Variants in OXR1 observed in about 807,000 individuals in gnomAD.
The protein encoded by OXR1 is oxidation resistance 1.
In OXR1, 41 loss-of-function variants were observed where a neutral mutation model predicts 104.6. The ratio of observed to expected loss-of-function variants is 0.39; its 90% CI spans 0.31 to 0.51. The LOEUF (loss-of-function observed/expected upper bound fraction) is 0.51. Ranked by LOEUF, OXR1 falls within the 20% of genes least tolerant of loss-of-function variation. The pLI, the probability that OXR1 is intolerant of heterozygous loss-of-function variation, is 0.77. For missense variants in OXR1, 955 were observed against 1,031.9 expected (o/e 0.93, Z 1.02); for synonymous variants, 348 against 348.4 (o/e 1.00, Z 0.01).
At chr8:106,570,045 G>A (rs1017082088) in intron 3 of OXR1, among the ~76,000 whole-genome samples, 6 of 152,150 alleles carry the variant, frequency 3.9e-5, no homozygotes, top group African/African-American at 1.4e-4. Flanking sequence ...TCATGGTGAA[G>A]CTTTGATGCT....
At chr8:106,414,731 G>A (rs1586620316) in intron 2 of OXR1, among the ~76,000 whole-genome samples, 1 of 152,020 alleles carries the variant, frequency 6.6e-6, no homozygotes, top group Admixed American at 6.6e-5. Context: ...GAAGTAGTTT[G>A]GTTTGGCCAG....
Position 106,623,137 on chromosome 8 carries a change from G to T in OXR1, c.221-56073G>T, listed in dbSNP as rs149221197. ...AATTAGAAGAAGAGAGCTACCTATA[G>T]ATTCCTCTATTCCCTGAGATTTTCT... On this transcript the variant is annotated intron_variant, in intron 3 of 16. Coordinates refer to ENST00000517566, the MANE Select transcript of OXR1 (RefSeq NM_001198533.2). Among the ~76,000 whole-genome samples the T allele has an allele frequency of 5.4e-4, 82 of 152,284 alleles. No individual in the cohort carries two copies. In the East Asian group the frequency reaches 0.012, roughly 21 times the overall value.
chr8:106,592,089 G>A (rs1345322615), intron 3 of OXR1, among the ~76,000 whole-genome samples: 1 of 152,130 alleles, frequency 6.6e-6, no homozygotes, highest in Non-Finnish European at 1.5e-5. Context: ...TGGATGACAT[G>A]GATAGTAGAA....
intron 1 of OXR1, among the ~76,000 whole-genome samples, chr8:106,288,316 T>C (rs1208310626): frequency 6.6e-6 from 1 of 152,102 alleles, no homozygotes; most frequent in African/African-American, 2.4e-5. Context: ...GAGCATTCTG[T>C]TATTTACAGT....
intron 7 of OXR1, 41 bp from the exon 8 acceptor site, chr8:106,702,865 C>T: frequency 6.8e-7 from 1 of 1,474,562 alleles, no homozygotes; most frequent in Non-Finnish European, 9.3e-7. Context: ...TTTGAAGTAT[C>T]AACCTTGAGG....
intron 2 of OXR1, among the ~76,000 whole-genome samples, chr8:106,515,404 G>A (rs73309299): frequency 0.028 from 4,208 of 152,082 alleles, 196 homozygotes; most frequent in African/African-American, 0.096. Context: ...CAGATCTCTT[G>A]AACTTATTTC....
At position 106,415,162 on chromosome 8, in the gene OXR1, C is replaced by G. The variant is rs191085794; in HGVS notation, c.23+55526C>G. ...CCACAGTGGCATGCTGTTAAAATGC[C>G]TTAACAGTGCCATAATTTACTTTTC... On this transcript the variant is annotated intron_variant, in intron 2 of 16. Coordinates refer to ENST00000517566, the MANE Select transcript of OXR1 (RefSeq NM_001198533.2). 5.9e-5 allele frequency among the ~76,000 whole-genome samples: 9 copies of G among 152,230 alleles called. No individual in the cohort carries two copies. In the East Asian group the frequency reaches 1.7e-3, roughly 29 times the overall value.
At chr8:106,605,336 C>T (rs1254415707) in intron 3 of OXR1, 1 of 152,106 alleles carries the variant, frequency 6.6e-6, no homozygotes, top group Non-Finnish European at 1.5e-5. Context: ...TGGTTTCTGT[C>T]TTAGGTCTAT....
Position 106,310,278 on chromosome 8 carries a change from T to G in OXR1, c.-139+39911T>G, listed in dbSNP as rs550255378. Among the ~76,000 whole-genome samples the G allele has an allele frequency of 1.2e-4, 18 of 151,116 alleles. No homozygotes were observed. The East Asian group carries it at 3.5e-3, about 30-fold the overall frequency. On this transcript the variant is annotated intron_variant, in intron 1 of 16. Coordinates refer to ENST00000517566, the MANE Select transcript of OXR1 (RefSeq NM_001198533.2). ...TTTCCTAAGCTCTCTATCAGAAATA[T>G]AAACAACTTCTCAATAACTTTGTTA...
At chr8:106,517,565 G>A (rs1812941758) in intron 2 of OXR1, among the ~76,000 whole-genome samples, 2 of 133,078 alleles carry the variant, frequency 1.5e-5, no homozygotes, top group Non-Finnish European at 3.1e-5. Flanking sequence ...TGTTACCAGT[G>A]TGCACCACCA....
chr8:106,692,747 C>T lies in OXR1; in HGVS notation c.545C>T (p.Thr182Ile). 6.7e-7 allele frequency: 1 copy of T among 1,497,138 alleles called. No homozygotes were observed. The highest frequency in any genetic ancestry group is 8.9e-7 in the Non-Finnish European group (1 of 1,117,790). The allele number at this position is 1,497,138 out of a possible 1,614,324, so 92.7% of individuals were successfully genotyped here. ...AAAAAGAATCCTGATGTCCATCCAA[C>T]AGAAGCAACTCCCTCATCTACTTTC... is the stretch of plus-strand genomic sequence containing the variant. ...DKTTNPDVHP[T>I]EATPSSTFTG... The change falls in exon 7 of 17, where the codon ACA (threonine) becomes ATA (isoleucine). Residue 182 changes from threonine to isoleucine, a missense_variant. Thr to Ile is a moderately conservative substitution (Grantham distance 89). This residue lies in a region of OXR1 where 849 missense variants were observed against 852.9 expected (regional missense o/e 1.00). Transcript: ENST00000517566.
At chr8:106,557,774 G>C (rs897725074) in intron 3 of OXR1, among the ~76,000 whole-genome samples, 3 of 152,190 alleles carry the variant, frequency 2.0e-5, no homozygotes, top group African/African-American at 7.2e-5. Flanking sequence ...GTCCTATGCA[G>C]GGTTAAAGGC....
chr8:106,439,467 A>C (rs555464102), intron 2 of OXR1, among the ~76,000 whole-genome samples: 2 of 152,148 alleles, frequency 1.3e-5, no homozygotes, highest in Non-Finnish European at 2.9e-5. Flanking sequence ...AGCCCAAAAT[A>C]AAACAGTTGT....
At chr8:106,725,048 A>G (rs1039501321) in intron 11 of OXR1, among the ~76,000 whole-genome samples, 5 of 152,266 alleles carry the variant, frequency 3.3e-5, no homozygotes, top group African/African-American at 1.2e-4. Context: ...GTGTGACCAC[A>G]ATGCACTGTA....
chr8:106,698,096 C>T (rs762206489), intron 7 of OXR1: 6 of 854,428 alleles, frequency 7.0e-6, no homozygotes, highest in South Asian at 1.5e-5. Context: ...CTGCAGCTGC[C>T]GAGCTTCTTC....
At chr8:106,366,441 A>G (rs1335120838) in intron 2 of OXR1, among the ~76,000 whole-genome samples, 3 of 152,236 alleles carry the variant, frequency 2.0e-5, no homozygotes, top group East Asian at 1.9e-4. Context: ...CGTCTACGAT[A>G]TAATTTAGTT....
At chr8:106,618,248 A>G (rs747306218) in intron 3 of OXR1, 28 of 1,219,584 alleles carry the variant, frequency 2.3e-5, no homozygotes, top group Non-Finnish European at 3.3e-5. Flanking sequence ...TACAGCGGAC[A>G]TTAAAGGGCA....
intron 3 of OXR1, among the ~76,000 whole-genome samples, chr8:106,602,158 A>T (rs961886537): frequency 1.1e-4 from 17 of 152,212 alleles, no homozygotes; most frequent in African/African-American, 3.4e-4. Context: ...CCATGCCAGG[A>T]TTCCTAGCCC....
intron 1 of OXR1, among the ~76,000 whole-genome samples, chr8:106,315,797 C>A (rs1391102730): frequency 3.3e-5 from 5 of 152,172 alleles, no homozygotes; most frequent in Non-Finnish European, 7.4e-5. Flanking sequence ...CAGAGAAGAT[C>A]ATCTCTACTT....
Sources: allele counts gnomAD v4.1 joint callset (sites outside exome capture counted in the v4.1 genomes callset), GRCh38; gene constraint gnomAD v4.1.1; regional missense constraint gnomAD v4.1.1; transcripts MANE v1.5; gene names NCBI Gene and HGNC (gene_info 2026-07-23, HGNC 2026-07-21).